Variants in FANCB observed in about 807,000 individuals in gnomAD.
FANCB encodes the protein FA complementation group B.
A neutral mutation model predicts 38.9 loss-of-function variants in FANCB; 5 were observed. That is an observed-to-expected ratio of 0.13 (90% confidence interval 0.07 to 0.27). FANCB has a LOEUF of 0.27. Among genes scored for constraint, FANCB ranks in the 10% least tolerant of loss-of-function variants. FANCB has a pLI of 1.00. For synonymous variants in FANCB, 236 were observed against 215.4 expected (o/e 1.10, Z -0.84); for missense variants, 573 against 602.7 (o/e 0.95, Z 0.52).
At chrX:14,702,775 C>A in the FANCB span, among the ~76,000 whole-genome samples, 1 of 111,570 alleles carries the variant, frequency 9.0e-6, no homozygotes, top group African/African-American at 3.3e-5. Context: ...AAAGATATGA[C>A]CACGCAGGCA....
the FANCB span, among the ~76,000 whole-genome samples, chrX:14,797,920 C>T: frequency 9.1e-6 from 1 of 110,251 alleles, no homozygotes; most frequent in Non-Finnish European, 1.9e-5. Context: ...TAATGGGTAG[C>T]CAAGTGTTTC....
chrX:14,780,219 G>GAAAAC, the FANCB span, among the ~76,000 whole-genome samples: 1 of 110,955 alleles, frequency 9.0e-6, no homozygotes, highest in Non-Finnish European at 1.9e-5. Flanking sequence ...AAACTACTCG[G>GAAAAC]TATGTCAGAA....
the FANCB span, among the ~76,000 whole-genome samples, chrX:14,786,050 G>A: frequency 2.7e-5 from 3 of 111,975 alleles, no homozygotes; most frequent in African/African-American, 9.7e-5. Flanking sequence ...GGCCTCAGCT[G>A]AGCCCAGGTG....
the FANCB span, among the ~76,000 whole-genome samples, chrX:14,821,009 C>A: frequency 1.8e-5 from 2 of 111,476 alleles, no homozygotes; most frequent in African/African-American, 3.3e-5. Flanking sequence ...GAATGAAAAT[C>A]TGAATGTTTT....
the FANCB span, among the ~76,000 whole-genome samples, chrX:14,732,079 C>T: frequency 9.1e-6 from 1 of 109,973 alleles, no homozygotes; most frequent in Non-Finnish European, 1.9e-5. Context: ...GTTCCCCTCC[C>T]TGACTCCATG....
chrX:14,754,952 A>G, the FANCB span, among the ~76,000 whole-genome samples: 1 of 112,011 alleles, frequency 8.9e-6, no homozygotes, highest in East Asian at 2.8e-4. Context: ...TCAACAAAAT[A>G]CTAGCAAACC....
the FANCB span, among the ~76,000 whole-genome samples, chrX:14,694,872 T>C: frequency 8.9e-6 from 1 of 111,921 alleles, no homozygotes; most frequent in Non-Finnish European, 1.9e-5. Context: ...GAATTGAATA[T>C]GACTCACAGA....
At chrX:14,819,071 ACT>A in the FANCB span, among the ~76,000 whole-genome samples, 2 of 112,738 alleles carry the variant, frequency 1.8e-5, no homozygotes, top group African/African-American at 3.2e-5. Flanking sequence ...ATGCCAATTA[ACT>A]AATAGTAATT....
chrX:14,813,870 C>G, the FANCB span, among the ~76,000 whole-genome samples: 1 of 111,652 alleles, frequency 9.0e-6, no homozygotes, highest in African/African-American at 3.3e-5. Flanking sequence ...ATTGCCAAGA[C>G]AATCCTAAGC....
intron 5 of FANCB, among the ~76,000 whole-genome samples, chrX:14,855,234 G>T (rs765839069): frequency 1.8e-5 from 2 of 111,947 alleles, no homozygotes; most frequent in Non-Finnish European, 3.8e-5. Flanking sequence ...AATTTCAGGG[G>T]AGAAAGAACA....
At chrX:14,828,816 A>C in the FANCB span, among the ~76,000 whole-genome samples, 1 of 111,173 alleles carries the variant, frequency 9.0e-6, no homozygotes, top group Admixed American at 9.6e-5. Flanking sequence ...GGCTCAAGAG[A>C]TCCTCCCACC....
the FANCB span, among the ~76,000 whole-genome samples, chrX:14,704,673 G>A: frequency 9.0e-6 from 1 of 111,716 alleles, no homozygotes; most frequent in Non-Finnish European, 1.9e-5. Context: ...AAATGACCTT[G>A]GCTCTGTGCA....
intron 5 of FANCB, among the ~76,000 whole-genome samples, chrX:14,853,611 G>A (rs193099078): frequency 8.9e-6 from 1 of 112,108 alleles, no homozygotes; most frequent in East Asian, 2.8e-4. Flanking sequence ...CTTTTAATCA[G>A]ATACTGCTCG....
chrX:14,833,213 T>C (rs1278575334), downstream of FANCB, among the ~76,000 whole-genome samples: 2 of 111,926 alleles, frequency 1.8e-5, no homozygotes, highest in Non-Finnish European at 3.8e-5. Context: ...TTTCTATCAA[T>C]GAAAGCACAA....
the FANCB span, among the ~76,000 whole-genome samples, chrX:14,816,762 T>C: frequency 8.9e-6 from 1 of 112,149 alleles, no homozygotes; most frequent in African/African-American, 3.2e-5. Flanking sequence ...CAGTAAATCA[T>C]CTAAAAGGAT....
the FANCB span, among the ~76,000 whole-genome samples, chrX:14,805,499 C>T: frequency 9.0e-6 from 1 of 111,127 alleles, no homozygotes; most frequent in Non-Finnish European, 1.9e-5. Flanking sequence ...ACACCATCAC[C>T]CCCGCTAAAC....
chrX:14,776,616 A>C, the FANCB span, among the ~76,000 whole-genome samples: 4 of 112,456 alleles, frequency 3.6e-5, no homozygotes, highest in Admixed American at 1.9e-4. Flanking sequence ...CCACCTCTCC[A>C]AGAGCAACAG....
rs748195117 is a variant in FANCB, at chrX:14,865,124, C to G, written c.387G>C (p.Glu129Asp). ...EMRLSFKLGY[E>D]MKDGLRVLNG... ...TAAGGACCCTTAGGCCATCCTTCAT[C>G]TCATAGCCTAGTTTAAAACTCAAAC... Residue 129 changes from glutamate to aspartate, a missense_variant, in exon 3 of 10, where the codon GAG (glutamate) becomes GAC (aspartate). Coordinates refer to ENST00000650831, the MANE Select transcript of FANCB (RefSeq NM_001018113.3). 3 of 1,206,365 alleles carry G rather than the reference C, an allele frequency of 2.5e-6. No individual in the cohort carries two copies. The highest frequency in any genetic ancestry group is 3.4e-6 in the Non-Finnish European group (3 of 893,020).
At chrX:14,691,271 CTGTG>C in the FANCB span, among the ~76,000 whole-genome samples, 14,687 of 84,484 alleles carry the variant, frequency 0.17, 1,232 homozygotes, top group East Asian at 0.35. Context: ...TAAATATTGA[CTGTG>C]TGTGTGTGTG....
Sources: allele counts gnomAD v4.1 joint callset (sites outside exome capture counted in the v4.1 genomes callset), GRCh38; gene constraint gnomAD v4.1.1; transcripts MANE v1.5; gene names NCBI Gene and HGNC (gene_info 2026-07-23, HGNC 2026-07-21).